XKR7: variants seen among roughly 807,000 people sequenced by gnomAD.
XKR7 encodes XK related 7.
A neutral mutation model predicts 42.2 loss-of-function variants in XKR7; 11 were observed. The observed-to-expected ratio is 0.26, with a 90% CI of 0.16 to 0.43. The LOEUF (loss-of-function observed/expected upper bound fraction) is 0.43. XKR7 is among the 20% of genes least tolerant of loss of function. The pLI, the probability that XKR7 is intolerant of heterozygous loss-of-function variation, is 1.00. For missense variants in XKR7, 710 were observed against 802.2 expected, an observed-to-expected ratio of 0.89 and a Z score of 1.39; for synonymous variants, 346 against 366.4, an observed-to-expected ratio of 0.94 and a Z score of 0.64.
intron 1 of XKR7, among the ~76,000 whole-genome samples, chr20:31,993,088 C>CCACACACACACACACACA: frequency 6.8e-6 from 1 of 147,410 alleles, no homozygotes; most frequent in African/African-American, 2.5e-5. Context: ...GGTTCCCCCT[C>CCACACACACACACACACA]CACACACACA....
At chr20:31,974,385 C>T (rs1052904525) in intron 1 of XKR7, among the ~76,000 whole-genome samples, 1 of 152,110 alleles carries the variant, frequency 6.6e-6, no homozygotes, top group Non-Finnish European at 1.5e-5. Context: ...CTCAGTCTCT[C>T]CACTGGGGCC....
chr20:31,968,873 C>T lies in XKR7; in HGVS notation c.584+114C>T. On this transcript the variant is annotated intron_variant, in intron 1 of 2. Coordinates refer to ENST00000562532, the MANE Select transcript of XKR7 (RefSeq NM_001011718.2). The surrounding 1 kb of genome is among the most constrained non-coding windows in gnomAD (Gnocchi z 4.5). Reference sequence around the variant, plus strand: ...CGGGCTACCCTCCTGTCCTGACCTCCCCCCCTCCCCACCCCATTGCAGCTC... The same window carrying T: ...CGGGCTACCCTCCTGTCCTGACCTCTCCCCCTCCCCACCCCATTGCAGCTC... 7.2e-7 allele frequency: 1 copy of T among 1,386,408 alleles called. No individual in the cohort carries two copies. The highest frequency in any genetic ancestry group is 1.5e-5 in the African/African-American group (1 of 68,336). 85.9% of individuals were successfully genotyped at this position (1,386,408 alleles called of 1,614,324 possible).
chr20:31,998,365 T>G lies in XKR7; in HGVS notation c.*908T>G, dbSNP rs904577233. 1 of 152,170 alleles carries G rather than the reference T, an allele frequency of 6.6e-6. No homozygotes were observed. Among genetic ancestry groups the G allele is most frequent in the Non-Finnish European group, 1.5e-5 (1 of 68,046 alleles). 9.4% of individuals were successfully genotyped at this position (152,170 alleles called of 1,614,324 possible). ...TCTGGGCTCAAGTGCAGGTGAGGTT[T>G]TAGCACAGTTATCAGAGGAACTGAT... On this transcript the variant is annotated 3_prime_UTR_variant, in exon 3 of 3. Coordinates refer to ENST00000562532, the MANE Select transcript of XKR7 (RefSeq NM_001011718.2).
intron 1 of XKR7, among the ~76,000 whole-genome samples, chr20:31,969,337 T>G (rs1203355872): frequency 5.9e-5 from 9 of 152,134 alleles, no homozygotes; most frequent in Non-Finnish European, 1.5e-5. Flanking sequence ...TCCTTCTACT[T>G]CCTATGACCC....
intron 1 of XKR7, among the ~76,000 whole-genome samples, chr20:31,987,273 G>T (rs1423621833): frequency 6.9e-6 from 1 of 145,798 alleles, no homozygotes; most frequent in African/African-American, 2.6e-5. Flanking sequence ...AGCAGACCCA[G>T]CATCCAAGAC....
At chr20:31,996,483 CG>C in intron 2 of XKR7, 21 bp from the exon 3 acceptor site, 3 of 945,728 alleles carry the variant, frequency 3.2e-6, no homozygotes, top group Non-Finnish European at 2.8e-6. Flanking sequence ...CAGCCCACCC[CG>C]CCCCTGCCCT....
chr20:31,975,221 T>C (rs1379222741), intron 1 of XKR7, among the ~76,000 whole-genome samples: 1 of 152,042 alleles, frequency 6.6e-6, no homozygotes, highest in Non-Finnish European at 1.5e-5. Context: ...AGCCTCCGGT[T>C]ATCACCCCCA....
chr20:31,994,950 G>GGCTCAC, intron 1 of XKR7, 118 bp from the exon 2 acceptor site: 11 of 1,474,820 alleles, frequency 7.5e-6, no homozygotes, highest in Non-Finnish European at 9.8e-6. Context: ...CACAGCTGAG[G>GGCTCAC]AAACAGGCTC....
At chr20:31,974,356 CCT>C (rs2064476718) in intron 1 of XKR7, among the ~76,000 whole-genome samples, 1 of 152,094 alleles carries the variant, frequency 6.6e-6, no homozygotes, top group Non-Finnish European at 1.5e-5. Context: ...GCTAATGCGA[CCT>C]CTTTCCTTCT....
chr20:31,996,466 C>A, intron 2 of XKR7, 39 bp from the exon 3 acceptor site: 1 of 437,030 alleles, frequency 2.3e-6, no homozygotes, highest in South Asian at 6.5e-5. Context: ...CGAGCCCGCC[C>A]CTAACCCAGC....
intron 1 of XKR7, among the ~76,000 whole-genome samples, chr20:31,988,212 G>T (rs936735157): frequency 6.6e-6 from 1 of 152,192 alleles, no homozygotes; most frequent in African/African-American, 2.4e-5. Flanking sequence ...TGCAGACGTT[G>T]CCAGAAGCTT....
rs2064451447 is a variant in XKR7 at position 31,968,983 on chromosome 20, G to A, written c.584+224G>A. Among the ~76,000 whole-genome samples the A allele has an allele frequency of 6.6e-6, 1 of 152,200 alleles. No individual in the cohort carries two copies. The highest frequency in any genetic ancestry group is 1.5e-5 in the Non-Finnish European group (1 of 68,020). On this transcript the variant is annotated intron_variant, in intron 1 of 2. Transcript: ENST00000562532. The surrounding 1 kb of genome is among the most constrained non-coding windows in gnomAD (Gnocchi z 4.5). ...TGCCATCCGGTCTGACCTGGCCTTC[G>A]AGAGGGGAGGGGATGGTTCAAGAAA...
At chr20:31,970,691 C>T (rs1298592438) in intron 1 of XKR7, 1 of 152,168 alleles carries the variant, frequency 6.6e-6, no homozygotes, top group African/African-American at 2.4e-5. Context: ...AATCCTGTAA[C>T]AATTTAGAAA....
In XKR7 at chr20:31,995,032, G is replaced by C; in HGVS notation, c.585-36G>C. ...TGGTGCGACAGAGCGAGAGGAACCA[G>C]CGCGCGGGAGCCTGAGCACCGCGTC... On this transcript the variant is annotated intron_variant, in intron 1 of 2. Transcript: ENST00000562532. The surrounding 1 kb of genome is among the most constrained non-coding windows in gnomAD (Gnocchi z 4.1). The C allele has an allele frequency of 6.5e-7, 1 of 1,539,000 alleles. No homozygotes were observed. Among genetic ancestry groups the C allele is most frequent in the Non-Finnish European group, 8.7e-7 (1 of 1,145,176 alleles).
intron 1 of XKR7, among the ~76,000 whole-genome samples, chr20:31,985,194 G>A (rs2064532049): frequency 6.6e-6 from 1 of 152,110 alleles, no homozygotes; most frequent in Non-Finnish European, 1.5e-5. Flanking sequence ...GCCCCACCCT[G>A]TTCACTCTGT....
intron 1 of XKR7, among the ~76,000 whole-genome samples, chr20:31,973,048 G>C (rs570505740): frequency 1.3e-5 from 2 of 152,156 alleles, no homozygotes; most frequent in African/African-American, 4.8e-5. Flanking sequence ...GTAAACTAGG[G>C]ACCAAAATTG....
intron 1 of XKR7, among the ~76,000 whole-genome samples, chr20:31,981,864 T>C (rs181404998): frequency 1.3e-5 from 2 of 152,328 alleles, no homozygotes; most frequent in African/African-American, 4.8e-5. Flanking sequence ...TTTGCCTATG[T>C]TGTTTCCTCA....
At chr20:31,990,252 A>G (rs1450270141) in intron 1 of XKR7, among the ~76,000 whole-genome samples, 2 of 149,982 alleles carry the variant, frequency 1.3e-5, no homozygotes, top group Non-Finnish European at 3.0e-5. Flanking sequence ...ACTGGTCTCA[A>G]ACTCCCCGGT....
chr20:31,974,917 C>T (rs139403545), intron 1 of XKR7, among the ~76,000 whole-genome samples: 3 of 152,252 alleles, frequency 2.0e-5, no homozygotes, highest in Admixed American at 6.5e-5. Flanking sequence ...TCTCCACCCC[C>T]ACCCTGCCTC....
Sources: gnomAD v4.1 joint callset for allele counts (sites outside exome capture counted in the v4.1 genomes callset) on GRCh38, gnomAD v4.1.1 for gene constraint, Gnocchi (gnomAD v3.1) non-coding constraint, MANE v1.5 for transcripts, NCBI Gene and HGNC (gene_info 2026-07-23, HGNC 2026-07-21) for gene names.